GSE1: variants seen among roughly 807,000 people sequenced by gnomAD.
GSE1 encodes genetic suppressor element 1.
GSE1 carries 32 observed loss-of-function variants against 112.6 expected under a neutral mutation model. The ratio of observed to expected loss-of-function variants is 0.28; its 90% CI spans 0.21 to 0.38. The LOEUF (loss-of-function observed/expected upper bound fraction) is 0.38, where lower values mean the gene tolerates loss of function less well. Among genes scored for constraint, GSE1 ranks in the 10% least tolerant of loss-of-function variants. The pLI, the probability that GSE1 is intolerant of heterozygous loss-of-function variation, is 1.00. For missense variants in GSE1, 2,348 were observed against 1,699.2 expected (o/e 1.38, Z -6.71); for synonymous variants, 1,115 against 735.6 (o/e 1.52, Z -8.35).
At chr16:85,382,787 A>C (rs951773571) in intron 2 of GSE1, among the ~76,000 whole-genome samples, 2 of 150,556 alleles carry the variant, frequency 1.3e-5, no homozygotes, top group African/African-American at 5.0e-5. Context: ...GCATGCACAC[A>C]CACAACACAT....
intron 2 of GSE1, among the ~76,000 whole-genome samples, chr16:85,384,261 C>G (rs143909883): frequency 3.3e-5 from 5 of 152,304 alleles, no homozygotes; most frequent in Admixed American, 2.0e-4. Context: ...AACACACGTG[C>G]CTTGCTCTGT....
At chr16:85,371,494 C>T (rs1353267704) in intron 2 of GSE1, among the ~76,000 whole-genome samples, 2 of 152,186 alleles carry the variant, frequency 1.3e-5, no homozygotes, top group African/African-American at 2.4e-5. Context: ...ACCTCAGGGA[C>T]AGGCATAATG....
chr16:85,563,822 G>A (rs572914932), intron 1 of GSE1, among the ~76,000 whole-genome samples: 6 of 152,360 alleles, frequency 3.9e-5, no homozygotes, highest in Admixed American at 1.3e-4. Context: ...TGGGGGTCTC[G>A]TGGTCACCTC....
At chr16:85,228,447 C>T (rs1380180043) in intron 1 of GSE1, among the ~76,000 whole-genome samples, 1 of 152,180 alleles carries the variant, frequency 6.6e-6, no homozygotes, top group African/African-American at 2.4e-5. Context: ...CCCAGGCTTC[C>T]AGGTCAGCTG....
At chr16:85,502,617 C>T (rs550542291) in intron 2 of GSE1, among the ~76,000 whole-genome samples, 2 of 152,320 alleles carry the variant, frequency 1.3e-5, no homozygotes, top group Admixed American at 6.5e-5. Flanking sequence ...GGCTGCGAGG[C>T]CTCTGCTCTT....
upstream of GSE1, among the ~76,000 whole-genome samples, chr16:85,552,864 C>T (rs755151000): frequency 1.3e-5 from 2 of 152,336 alleles, no homozygotes; most frequent in East Asian, 1.9e-4. Context: ...AGGTTTATTG[C>T]CTGTACAGCT....
intron 2 of GSE1, among the ~76,000 whole-genome samples, chr16:85,642,538 C>G (rs2050528074): frequency 6.6e-6 from 1 of 152,210 alleles, no homozygotes; most frequent in Admixed American, 6.5e-5. Flanking sequence ...CAAGCTGCCC[C>G]TCACCTGTGT....
intron 1 of GSE1, among the ~76,000 whole-genome samples, chr16:85,305,279 GGATGAT>G (rs200693456): frequency 6.6e-6 from 1 of 152,158 alleles, no homozygotes; most frequent in African/African-American, 2.4e-5. Flanking sequence ...CTGGGCATCA[GGATGAT>G]GATGATGATT....
chr16:85,509,264 G>A (rs889770754), intron 2 of GSE1, among the ~76,000 whole-genome samples: 9 of 152,210 alleles, frequency 5.9e-5, no homozygotes, highest in African/African-American at 1.7e-4. Context: ...AGCTTTGGGC[G>A]GCGGTAACAA....
chr16:85,207,704 C>G (rs1409885448), intron 1 of GSE1: 1 of 152,276 alleles, frequency 6.6e-6, no homozygotes, highest in African/African-American at 2.4e-5. Context: ...ATCACCCTCT[C>G]CAGGCCTCTG....
At chr16:85,296,561 C>G (rs2045372616) in intron 1 of GSE1, among the ~76,000 whole-genome samples, 1 of 152,166 alleles carries the variant, frequency 6.6e-6, no homozygotes, top group Non-Finnish European at 1.5e-5. Flanking sequence ...GAGCCAAGAT[C>G]GCACCACTGC....
In GSE1 at chr16:85,331,659, ATATG is replaced by A. The variant is rs1287029943; in HGVS notation, c.2284-25802_2284-25799del. 9.4e-4 allele frequency among the ~76,000 whole-genome samples: 45 copies of A among 47,852 alleles called. 1 individual carries two copies. The highest frequency in any genetic ancestry group is 3.1e-3 in the African/African-American group (38 of 12,166). The allele number at this position is 47,852 out of a possible 152,430, so 31.4% of individuals were successfully genotyped here. A position where few individuals can be genotyped will look rare whatever the true frequency, so the allele number is the denominator to read the frequency against. On this transcript the variant is annotated intron_variant, in intron 1 of 2. Coordinates refer to the GSE1 transcript ENST00000637419. ...TATATGTGTGTATATATATATGTGT[ATATG>A]TGTGTGTGTGTGTGTGTGTGTGTAT...
chr16:85,436,430 G>A (rs969315716), intron 2 of GSE1, among the ~76,000 whole-genome samples: 14 of 152,230 alleles, frequency 9.2e-5, no homozygotes, highest in Non-Finnish European at 1.9e-4. Flanking sequence ...CCACACTCCA[G>A]TGCGATTCTG....
rs566121994 is a variant in GSE1, at chr16:85,644,556, C to T, written c.227-3996C>T. On this transcript the variant is annotated intron_variant, in intron 2 of 15. Transcript: ENST00000253458. The stretch of plus-strand genomic sequence containing the variant: ...AAGACACGGCTCCCAGTGAGAGGAG[C>T]CAGGCGAGAAGGGCCACGCGGTGGG... Among the ~76,000 whole-genome samples the T allele has an allele frequency of 4.6e-5, 7 of 152,206 alleles. No individual in the cohort carries two copies. The South Asian group carries it at 1.5e-3, about 32-fold the overall frequency.
rs956365086 is a variant in GSE1 at position 85,586,579 on chromosome 16, C to T, written c.37+30216C>T. 2.6e-5 allele frequency among the ~76,000 whole-genome samples: 4 copies of T among 152,348 alleles called. No individual in the cohort carries two copies. In the South Asian group the frequency reaches 8.3e-4, roughly 32 times the overall value. On this transcript the variant is annotated intron_variant, in intron 1 of 2. Coordinates refer to the GSE1 transcript ENST00000635906. Reference sequence around the variant, plus strand: ...CACACCAGCTGTCCCACTGCCAGGCCGCATGGCCAAGAGTCGCAGCTGCTC... The same window carrying T: ...CACACCAGCTGTCCCACTGCCAGGCTGCATGGCCAAGAGTCGCAGCTGCTC...
At chr16:85,479,226 G>T (rs2050597664) in intron 2 of GSE1, among the ~76,000 whole-genome samples, 1 of 132,716 alleles carries the variant, frequency 7.5e-6, no homozygotes, top group African/African-American at 3.0e-5. Flanking sequence ...TAGAGACGGG[G>T]TTTCACCGTG....
intron 2 of GSE1, among the ~76,000 whole-genome samples, chr16:85,407,802 C>T (rs1305947550): frequency 8.2e-5 from 1 of 12,264 alleles, no homozygotes; most frequent in Admixed American, 6.6e-4. Context: ...ACTCAGGGCC[C>T]CCCGGATAAT....
chr16:85,605,413 A>C (rs1021631998), intron 1 of GSE1, among the ~76,000 whole-genome samples: 1 of 151,904 alleles, frequency 6.6e-6, no homozygotes, highest in South Asian at 2.1e-4. Context: ...TCCTCGTAAA[A>C]CTTTATTTGT....
rs1286842987 is a variant in GSE1 at position 85,556,403 on chromosome 16, C to T, written c.37+40C>T. ...CGCCTCCCTGGGTCCCGCGCGGCGC[C>T]GGCGCGCCCGGGACCCTCCCTCACC... On this transcript the variant is annotated intron_variant, in intron 1 of 2. Transcript: ENST00000635906. 4.0e-5 allele frequency: 38 copies of T among 958,310 alleles called. No individual in the cohort carries two copies. In the South Asian group the frequency reaches 1.6e-3, roughly 41 times the overall value. 59.4% of individuals were successfully genotyped at this position (958,310 alleles called of 1,614,324 possible).
Sources: allele counts gnomAD v4.1 joint callset (sites outside exome capture counted in the v4.1 genomes callset), GRCh38; gene constraint gnomAD v4.1.1; transcripts MANE v1.5; gene names NCBI Gene and HGNC (gene_info 2026-07-23, HGNC 2026-07-21).